Variants in CLVS1 observed in about 807,000 individuals in gnomAD.
CLVS1 encodes clavesin 1, also known as clavesin-1.
In CLVS1, 10 loss-of-function variants were observed where a neutral mutation model predicts 33.1. That is an observed-to-expected ratio of 0.30 (90% confidence interval 0.19 to 0.51). The LOEUF (loss-of-function observed/expected upper bound fraction) is 0.51, where lower values mean the gene tolerates loss of function less well. CLVS1 is among the 20% of genes least tolerant of loss of function. CLVS1 has a pLI of 0.97. For synonymous variants in CLVS1, 163 were observed against 166.1 expected (o/e 0.98, Z 0.14); for missense variants, 343 against 433.4 (o/e 0.79, Z 1.85).
intron 5 of CLVS1, among the ~76,000 whole-genome samples, chr8:61,475,947 T>G (rs968524913): frequency 3.3e-5 from 5 of 152,232 alleles, no homozygotes; most frequent in African/African-American, 7.2e-5. Flanking sequence ...ATTTAAGTCT[T>G]TAATCCATCT....
the CLVS1 span, among the ~76,000 whole-genome samples, chr8:61,041,676 C>A: frequency 1.3e-5 from 2 of 152,110 alleles, no homozygotes; most frequent in African/African-American, 2.4e-5. Context: ...GCTTCGGCAG[C>A]ACATATATTA....
At chr8:61,451,854 A>G (rs1308208852) in intron 3 of CLVS1, among the ~76,000 whole-genome samples, 1 of 147,314 alleles carries the variant, frequency 6.8e-6, no homozygotes, top group African/African-American at 2.5e-5. Flanking sequence ...GAGAACAGAG[A>G]GTAGCATGGC....
intron 2 of CLVS1, among the ~76,000 whole-genome samples, chr8:61,135,568 G>C (rs1806178127): frequency 6.6e-6 from 1 of 152,228 alleles, no homozygotes. Flanking sequence ...AAGAGCAAGA[G>C]AAAGGAGAGA....
the CLVS1 span, among the ~76,000 whole-genome samples, chr8:61,047,673 T>TC: frequency 6.6e-6 from 1 of 152,192 alleles, no homozygotes; most frequent in Non-Finnish European, 1.5e-5. Context: ...ATCATCATTC[T>TC]CAGTATACCA....
At chr8:61,323,489 C>G (rs1168929103) in intron 2 of CLVS1, among the ~76,000 whole-genome samples, 1 of 152,090 alleles carries the variant, frequency 6.6e-6, no homozygotes, top group Non-Finnish European at 1.5e-5. Context: ...AAGATCTATC[C>G]TTTGCCCAAA....
At chr8:61,461,540 G>A (rs953730692) in intron 5 of CLVS1, among the ~76,000 whole-genome samples, 5 of 152,184 alleles carry the variant, frequency 3.3e-5, no homozygotes, top group East Asian at 1.9e-4. Context: ...TATAATATGC[G>A]TTTTCCATGA....
chr8:61,116,322 C>T (rs1339519348), intron 1 of CLVS1, among the ~76,000 whole-genome samples: 1 of 152,108 alleles, frequency 6.6e-6, no homozygotes, highest in Non-Finnish European at 1.5e-5. Context: ...CATTTGGTTG[C>T]CTGTTCACTC....
chr8:61,117,791 T>C (rs991495973), intron 1 of CLVS1, among the ~76,000 whole-genome samples: 1 of 152,238 alleles, frequency 6.6e-6, no homozygotes, highest in Non-Finnish European at 1.5e-5. Context: ...TTATTGAGGA[T>C]TTTTGCATCA....
chr8:61,293,856 C>A (rs1478506244), intron 1 of CLVS1, among the ~76,000 whole-genome samples: 4 of 152,012 alleles, frequency 2.6e-5, no homozygotes, highest in South Asian at 2.1e-4. Flanking sequence ...TGAAAGAAAC[C>A]CACAAAACAA....
chr8:61,385,374 A>C (rs1814040741), intron 3 of CLVS1, among the ~76,000 whole-genome samples: 1 of 152,228 alleles, frequency 6.6e-6, no homozygotes, highest in African/African-American at 2.4e-5. Context: ...AGACTATTAC[A>C]AGTTTCTAGT....
intron 1 of CLVS1, among the ~76,000 whole-genome samples, chr8:61,088,304 C>T (rs1805162153): frequency 6.6e-6 from 1 of 152,066 alleles, no homozygotes; most frequent in African/African-American, 2.4e-5. Context: ...GCCTGGCCAA[C>T]ATGGTGAAAC....
chr8:61,453,608 G>A (rs1195802483), intron 3 of CLVS1, among the ~76,000 whole-genome samples: 2 of 152,096 alleles, frequency 1.3e-5, no homozygotes, highest in Non-Finnish European at 2.9e-5. Flanking sequence ...TTAGCATTTG[G>A]TTGATTCCAC....
intron 1 of CLVS1, among the ~76,000 whole-genome samples, chr8:61,127,294 A>G (rs949496990): frequency 1.3e-5 from 2 of 151,962 alleles, no homozygotes; most frequent in Non-Finnish European, 2.9e-5. Context: ...AGCTCACTGA[A>G]ACCTCTTGCT....
At chr8:60,995,515 G>A in the CLVS1 span, among the ~76,000 whole-genome samples, 1 of 152,328 alleles carries the variant, frequency 6.6e-6, no homozygotes, top group Admixed American at 6.5e-5. Context: ...GGAAACAACA[G>A]GTGCTGGAGA....
intron 1 of CLVS1, among the ~76,000 whole-genome samples, chr8:61,059,872 A>G (rs1288176289): frequency 1.3e-5 from 2 of 152,014 alleles, no homozygotes; most frequent in African/African-American, 4.8e-5. Context: ...TGGTATGCCC[A>G]TGTGACCAAG....
intron 2 of CLVS1, among the ~76,000 whole-genome samples, chr8:61,371,538 TA>T (rs898571271): frequency 6.6e-5 from 10 of 151,396 alleles, no homozygotes; most frequent in South Asian, 6.2e-4. Context: ...CTATTCCTTC[TA>T]AAAAAAAATG....
chr8:61,286,117 TA>T (rs1367349430), upstream of CLVS1, among the ~76,000 whole-genome samples: 2 of 152,142 alleles, frequency 1.3e-5, no homozygotes, highest in Non-Finnish European at 2.9e-5. Flanking sequence ...TGACTTCCCA[TA>T]ACTGTGGCTT....
At chr8:61,014,858 T>C in the CLVS1 span, among the ~76,000 whole-genome samples, 1 of 152,194 alleles carries the variant, frequency 6.6e-6, no homozygotes, top group Admixed American at 6.5e-5. Context: ...GCTCAATAGA[T>C]GTGGGGATCA....
intron 5 of CLVS1, among the ~76,000 whole-genome samples, chr8:61,483,047 C>CA (rs1406054792): frequency 6.6e-6 from 1 of 152,102 alleles, no homozygotes. Flanking sequence ...GAAGCAAGAG[C>CA]AAACACATTC....
Sources: allele counts gnomAD v4.1 joint callset (sites outside exome capture counted in the v4.1 genomes callset), GRCh38; gene constraint gnomAD v4.1.1; transcripts MANE v1.5; gene names NCBI Gene and HGNC (gene_info 2026-07-23, HGNC 2026-07-21).